The following DMD variants were observed in gnomAD, a reference collection of about 807,000 sequenced individuals.
DMD encodes the protein mutant dystrophin.
A neutral mutation model predicts 330.1 loss-of-function variants in DMD; 63 were observed. The observed-to-expected ratio is 0.19, with a 90% CI of 0.16 to 0.24. The LOEUF (loss-of-function observed/expected upper bound fraction) is 0.24. Among genes scored for constraint, DMD ranks in the 10% least tolerant of loss-of-function variants. The probability of loss-of-function intolerance (pLI) is 1.00; values close to 1 mark genes in which losing one functional copy is unlikely to be tolerated. For missense variants in DMD, 3,344 were observed against 2,684.1 expected (o/e 1.25, Z -5.43); for synonymous variants, 1,223 against 959.8 (o/e 1.27, Z -5.07).
intron 52 of DMD, among the ~76,000 whole-genome samples, chrX:31,695,317 A>G (rs184875123): frequency 1.3e-3 from 139 of 111,066 alleles, no homozygotes; most frequent in African/African-American, 4.5e-3. Context: ...GTTAGCGGCT[A>G]CAAAAAATAG....
intron 44 of DMD, among the ~76,000 whole-genome samples, chrX:32,069,720 T>C (rs559005189): frequency 8.9e-6 from 1 of 112,025 alleles, no homozygotes; most frequent in Non-Finnish European, 1.9e-5. Context: ...TCTGTGAATA[T>C]CTGGTTGACT....
At chrX:31,523,229 G>T (rs940488391) in intron 55 of DMD, among the ~76,000 whole-genome samples, 2 of 111,074 alleles carry the variant, frequency 1.8e-5, no homozygotes, top group Admixed American at 9.6e-5. Context: ...ATCTTCTGGA[G>T]GTCATGAATG....
At chrX:31,210,259 A>G (rs2044515786) in intron 64 of DMD, among the ~76,000 whole-genome samples, 1 of 111,613 alleles carries the variant, frequency 9.0e-6, no homozygotes, top group Admixed American at 9.5e-5. Context: ...AATACTCTCC[A>G]CTAAAATTTT....
chrX:32,099,581 T>A (rs1420066486), intron 44 of DMD, among the ~76,000 whole-genome samples: 5 of 109,934 alleles, frequency 4.5e-5, no homozygotes, highest in Non-Finnish European at 9.5e-5. Flanking sequence ...GATGAGTTCA[T>A]GTCCTTTGTA....
chrX:32,718,266 A>G (rs6527222), intron 7 of DMD, among the ~76,000 whole-genome samples: 17,630 of 110,622 alleles, frequency 0.16, 3,379 homozygotes, highest in African/African-American at 0.54. Context: ...ACTGAATCAT[A>G]GGGGCAGATT....
At chrX:32,784,514 G>A (rs1207997961) in intron 7 of DMD, among the ~76,000 whole-genome samples, 1 of 111,883 alleles carries the variant, frequency 8.9e-6, no homozygotes, top group African/African-American at 3.2e-5. Flanking sequence ...AATCACACAT[G>A]TTAAACAGAA....
intron 38 of DMD, among the ~76,000 whole-genome samples, chrX:32,347,228 G>T (rs1348201734): frequency 9.0e-6 from 1 of 111,160 alleles, no homozygotes; most frequent in Non-Finnish European, 1.9e-5. Flanking sequence ...GTCTGTAAAA[G>T]ACTTTACTTA....
chrX:31,489,536 C>A (rs752875141), intron 57 of DMD, among the ~76,000 whole-genome samples: 6 of 111,902 alleles, frequency 5.4e-5, no homozygotes, highest in African/African-American at 1.3e-4. Context: ...CACTTACTAC[C>A]CAACATAATT....
At chrX:32,934,031 C>T (rs72626058) in intron 2 of DMD, among the ~76,000 whole-genome samples, 2,560 of 111,446 alleles carry the variant, frequency 0.023, 79 homozygotes, top group East Asian at 0.19. Flanking sequence ...ACTTAAGTAA[C>T]AAAATCCACT....
intron 7 of DMD, among the ~76,000 whole-genome samples, chrX:32,742,395 C>A (rs2069403960): frequency 1.8e-5 from 2 of 111,730 alleles, no homozygotes; most frequent in African/African-American, 6.5e-5. Flanking sequence ...AACAAGGAAT[C>A]AGACAAGTAA....
chrX:31,841,794 G>GA (rs1179723845), intron 48 of DMD, among the ~76,000 whole-genome samples: 2 of 112,032 alleles, frequency 1.8e-5, no homozygotes, highest in Non-Finnish European at 3.8e-5. Flanking sequence ...TTGCACAGAA[G>GA]AAAAAATCTC....
At chrX:33,299,339 G>A (rs1454228207) in intron 1 of DMD, among the ~76,000 whole-genome samples, 1 of 111,584 alleles carries the variant, frequency 9.0e-6, no homozygotes, top group Non-Finnish European at 1.9e-5. Flanking sequence ...GTTTCCTCAG[G>A]AAAATGAAAT....
chrX:31,861,599 AG>A (rs1428370969), intron 48 of DMD, among the ~76,000 whole-genome samples: 11 of 102,174 alleles, frequency 1.1e-4, no homozygotes, highest in South Asian at 9.0e-4. Flanking sequence ...AAAAAAAAAA[AG>A]AGACAGTTCT....
At chrX:33,005,448 G>T (rs1255656495) in intron 2 of DMD, among the ~76,000 whole-genome samples, 1 of 108,789 alleles carries the variant, frequency 9.2e-6, no homozygotes, top group African/African-American at 3.3e-5. Context: ...TTTGAGGAAT[G>T]ACTTCAATAA....
At chrX:32,839,882 T>C (rs961918521) in intron 4 of DMD, among the ~76,000 whole-genome samples, 5 of 111,271 alleles carry the variant, frequency 4.5e-5, no homozygotes, top group African/African-American at 1.6e-4. Context: ...AGCTAATTTT[T>C]GTGTTTTTAG....
Position 32,614,447 on chromosome X carries a change from A to G in DMD, c.1338T>C (p.His446=), listed in dbSNP as rs752002947. 4 of 1,202,730 alleles carry G rather than the reference A, an allele frequency of 3.3e-6. No homozygotes were observed. Among genetic ancestry groups the G allele is most frequent in the East Asian group, 3.0e-5 (1 of 33,566 alleles). ...GATTCTGGAGATCCATTAAAACTCTATGTAAACTGAAAATTTGAAAGAAGC... is the reference window on the plus strand; with the variant it reads ...GATTCTGGAGATCCATTAAAACTCTGTGTAAACTGAAAATTTGAAAGAAGC... ...VASMEKQSNL[H]RVLMDLQNQK... Residue 446 remains histidine, a synonymous_variant, in exon 12 of 79, where the codon CAT becomes CAC. Coordinates refer to ENST00000357033, the MANE Select transcript of DMD (RefSeq NM_004006.3).
chrX:31,293,101 A>G (rs1193335568), intron 62 of DMD, among the ~76,000 whole-genome samples: 1 of 106,398 alleles, frequency 9.4e-6, no homozygotes, highest in Admixed American at 1.0e-4. Flanking sequence ...ATTCACTTAG[A>G]CTCCCCAACT....
At chrX:33,080,356 CT>C (rs1430880404) in intron 1 of DMD, among the ~76,000 whole-genome samples, 1 of 111,358 alleles carries the variant, frequency 9.0e-6, no homozygotes, top group African/African-American at 3.3e-5. Flanking sequence ...TTCCGTTACT[CT>C]TTTAGTTTAA....
chrX:33,205,015 T>G (rs994371640), intron 1 of DMD, among the ~76,000 whole-genome samples: 2 of 112,363 alleles, frequency 1.8e-5, no homozygotes, highest in African/African-American at 6.5e-5. Context: ...CCTCTAGCTC[T>G]TCAGCAGCTG....
Sources: gnomAD v4.1 joint callset for allele counts (sites outside exome capture counted in the v4.1 genomes callset) on GRCh38, gnomAD v4.1.1 for gene constraint, MANE v1.5 for transcripts, NCBI Gene and HGNC (gene_info 2026-07-23, HGNC 2026-07-21) for gene names.